Variants in FSHR observed in about 807,000 individuals in gnomAD.
FSHR encodes the protein follicle stimulating hormone receptor, also known as follicle-stimulating hormone receptor.
In FSHR, 46 loss-of-function variants were observed where a neutral mutation model predicts 52.1. That is an observed-to-expected ratio of 0.88 (90% confidence interval 0.70 to 1.13). The LOEUF is 1.13. Ranked by LOEUF, FSHR falls within the 50% of genes most tolerant of loss-of-function variation. The pLI, the probability that FSHR is intolerant of heterozygous loss-of-function variation, is 0.00. For missense variants in FSHR, 964 were observed against 834.6 expected (o/e 1.16, Z -1.91); for synonymous variants, 399 against 309.6 (o/e 1.29, Z -3.03).
chr2:48,981,547 C>G (rs1218032190), intron 8 of FSHR, among the ~76,000 whole-genome samples: 3 of 152,128 alleles, frequency 2.0e-5, no homozygotes, highest in Non-Finnish European at 4.4e-5. Context: ...CACGGATACT[C>G]CATTTGTATA....
intron 6 of FSHR, among the ~76,000 whole-genome samples, chr2:48,986,050 C>A (rs568514648): frequency 4.6e-5 from 7 of 152,330 alleles, no homozygotes; most frequent in Non-Finnish European, 8.8e-5. Context: ...GTCTGCACGT[C>A]ATGGGGTTTG....
At chr2:49,022,296 G>T (rs950616781) in intron 2 of FSHR, among the ~76,000 whole-genome samples, 39 of 143,252 alleles carry the variant, frequency 2.7e-4, no homozygotes, top group African/African-American at 9.8e-4. Context: ...ACAAAGTAAA[G>T]AAACACTTCT....
rs545684803 is a variant in FSHR at position 49,126,523 on chromosome 2, G to A, written c.152+27743C>T. ...AAGTTTCCAACACATAAACTTTGGG[G>A]GACATATTCAAGTAATAGCAAGAGA... On this transcript the variant is annotated intron_variant, in intron 1 of 9. Transcript: ENST00000406846. Among the ~76,000 whole-genome samples, 5 of 152,226 alleles carry A rather than the reference G, an allele frequency of 3.3e-5. No homozygotes were observed. The East Asian group carries it at 7.7e-4, about 23-fold the overall frequency.
chr2:48,980,251 T>G (rs969030596), intron 8 of FSHR, among the ~76,000 whole-genome samples: 2 of 152,362 alleles, frequency 1.3e-5, no homozygotes, highest in Admixed American at 1.3e-4. Context: ...GTATTATCAC[T>G]CTCTACCTTT....
intron 1 of FSHR, among the ~76,000 whole-genome samples, chr2:49,130,299 T>C (rs565541795): frequency 6.6e-6 from 1 of 152,300 alleles, no homozygotes; most frequent in South Asian, 2.1e-4. Flanking sequence ...ATTGTTATCA[T>C]GTGTGGAATC....
chr2:49,059,279 A>G (rs756419018), intron 2 of FSHR, among the ~76,000 whole-genome samples: 19 of 152,256 alleles, frequency 1.2e-4, no homozygotes, highest in Non-Finnish European at 2.1e-4. Flanking sequence ...AAAAATTTAA[A>G]TTTGTACGGA....
chr2:49,030,294 G>A (rs1668055425), intron 2 of FSHR, among the ~76,000 whole-genome samples: 1 of 113,002 alleles, frequency 8.8e-6, no homozygotes, highest in African/African-American at 3.1e-5. Context: ...GTGTGTGTGT[G>A]TGTGTGTGTG....
chr2:49,070,874 G>T (rs1317627095), intron 1 of FSHR, among the ~76,000 whole-genome samples: 2 of 152,076 alleles, frequency 1.3e-5, no homozygotes, highest in South Asian at 2.1e-4. Flanking sequence ...TAAATGCATA[G>T]TAGAGCTTGC....
chr2:49,009,127 C>A (rs1371391526), intron 4 of FSHR, among the ~76,000 whole-genome samples: 1 of 151,736 alleles, frequency 6.6e-6, no homozygotes, highest in African/African-American at 2.4e-5. Context: ...AATGGTAATG[C>A]CAAGTTTTCT....
chr2:49,050,468 A>T (rs1451691605), intron 2 of FSHR, among the ~76,000 whole-genome samples: 1 of 152,174 alleles, frequency 6.6e-6, no homozygotes, highest in African/African-American at 2.4e-5. Context: ...AATGTCACCA[A>T]AGGAAGCTAA....
chr2:49,044,446 A>T (rs1384122824), intron 2 of FSHR, among the ~76,000 whole-genome samples: 1 of 152,162 alleles, frequency 6.6e-6, no homozygotes, highest in Non-Finnish European at 1.5e-5. Context: ...GCTGCTATAA[A>T]CTTGATGAAT....
chr2:49,119,231 C>A (rs1463707200), intron 1 of FSHR, among the ~76,000 whole-genome samples: 1 of 152,148 alleles, frequency 6.6e-6, no homozygotes, highest in Non-Finnish European at 1.5e-5. Context: ...GAAGCTAGAG[C>A]CTTTGTATTT....
chr2:48,992,191 A>G (rs1675813939), intron 4 of FSHR, among the ~76,000 whole-genome samples: 1 of 152,168 alleles, frequency 6.6e-6, no homozygotes, highest in South Asian at 2.1e-4. Flanking sequence ...CTAAAAAATT[A>G]TATACAGAAA....
intron 1 of FSHR, among the ~76,000 whole-genome samples, chr2:49,070,909 C>T: frequency 6.6e-6 from 1 of 152,072 alleles, no homozygotes; most frequent in Non-Finnish European, 1.5e-5. Flanking sequence ...TCCCCAGGGG[C>T]TCAAAGTAAA....
intron 3 of FSHR, among the ~76,000 whole-genome samples, chr2:49,017,909 G>A (rs1667547042): frequency 6.6e-6 from 1 of 152,124 alleles, no homozygotes. Context: ...CAGGGTTGGA[G>A]GAGGCTAAGA....
intron 1 of FSHR, among the ~76,000 whole-genome samples, chr2:49,082,492 C>T (rs918914024): frequency 3.3e-5 from 5 of 152,078 alleles, no homozygotes; most frequent in East Asian, 3.9e-4. Flanking sequence ...CAAAGCTGGA[C>T]GGAGAATGAA....
chr2:48,975,672 T>C (rs905989608), intron 8 of FSHR, among the ~76,000 whole-genome samples: 5 of 152,162 alleles, frequency 3.3e-5, no homozygotes, highest in Admixed American at 3.3e-4. Flanking sequence ...CGAGCAGTGG[T>C]TCACAGTTCT....
At position 49,142,670 on chromosome 2, in the gene FSHR, G is replaced by T. The variant is rs1316410112; in HGVS notation, c.152+11596C>A. Among the ~76,000 whole-genome samples the T allele has an allele frequency of 5.9e-5, 9 of 152,188 alleles. 1 individual carries two copies. The South Asian group carries it at 1.7e-3, about 28-fold the overall frequency. ...TTGAAATGCCTCTAGCTGCTGCATA[G>T]GGGATAGACTGTTAATTCAAGTGAA... On this transcript the variant is annotated intron_variant, in intron 1 of 9. Coordinates refer to ENST00000406846, the MANE Select transcript of FSHR (RefSeq NM_000145.4).
intron 4 of FSHR, among the ~76,000 whole-genome samples, chr2:49,000,315 G>A (rs765485044): frequency 7.9e-5 from 12 of 152,092 alleles, no homozygotes; most frequent in Admixed American, 7.9e-4. Context: ...AAAGAATCAC[G>A]GCAAACTAAG....
Sources: allele counts gnomAD v4.1 joint callset (sites outside exome capture counted in the v4.1 genomes callset), GRCh38; gene constraint gnomAD v4.1.1; transcripts MANE v1.5; gene names NCBI Gene and HGNC (gene_info 2026-07-23, HGNC 2026-07-21).